KIF21A: variants seen among roughly 807,000 people sequenced by gnomAD.
KIF21A encodes the protein kinesin-like protein KIF21A.
KIF21A carries 114 observed loss-of-function variants against 202.9 expected under a neutral mutation model. That is an observed-to-expected ratio of 0.56 (90% CI 0.48 to 0.66). KIF21A has a LOEUF of 0.66. Ranked by LOEUF, KIF21A falls within the 30% of genes least tolerant of loss-of-function variation. The pLI is 0.00. For missense variants in KIF21A, 1,677 were observed against 1,994.9 expected (o/e 0.84, Z 3.04); for synonymous variants, 667 against 670.8 (o/e 0.99, Z 0.09).
intron 16 of KIF21A, among the ~76,000 whole-genome samples, chr12:39,338,087 T>C (rs904461192): frequency 1.3e-5 from 2 of 152,202 alleles, no homozygotes; most frequent in Non-Finnish European, 2.9e-5. Context: ...GAAGGCATTG[T>C]TATCATAGGA....
In KIF21A at chr12:39,303,074, G is replaced by A; in HGVS notation, c.4622C>T (p.Pro1541Leu). The A allele has an allele frequency of 6.2e-7, 1 of 1,613,896 alleles. No homozygotes were observed. Among genetic ancestry groups the A allele is most frequent in the Non-Finnish European group, 8.5e-7 (1 of 1,179,848 alleles). The change falls in exon 36 of 38, where the codon CCT (proline) becomes CTT (leucine). Residue 1541 changes from proline to leucine, a missense_variant. Physicochemically the swap from Pro to Leu is moderately conservative, Grantham distance 98 (BLOSUM62 -3). This residue lies in a region of KIF21A where 705 missense variants were observed against 791.9 expected (regional missense o/e 0.89). Coordinates refer to ENST00000361418, the MANE Select transcript of KIF21A (RefSeq NM_001173464.2). ...TAGTGCTTCTATGCCATCATAATGA[G>A]GGGGTTCAAAATTGTGGGTGGGACT... Reference protein sequence around the residue: ...TVSPTHNFEPPHYDGIEALTI... With the variant: ...TVSPTHNFEPLHYDGIEALTI...
intron 36 of KIF21A, 86 bp from the exon 37 acceptor site, chr12:39,301,765 TTG>T: frequency 1.8e-6 from 2 of 1,125,022 alleles, no homozygotes; most frequent in Non-Finnish European, 2.7e-6. Flanking sequence ...AAACATTTTA[TTG>T]CCAAAACTTG....
At chr12:39,363,659 C>A (rs1267576702) in intron 6 of KIF21A, among the ~76,000 whole-genome samples, 2 of 151,920 alleles carry the variant, frequency 1.3e-5, no homozygotes, top group Non-Finnish European at 1.5e-5. Flanking sequence ...TTAATCACAA[C>A]AAAAAAAATC....
rs572614825 is a variant in KIF21A, at chr12:39,378,780, T to C, written c.45-8519A>G. Among the ~76,000 whole-genome samples the C allele has an allele frequency of 3.9e-5, 6 of 152,176 alleles. No homozygotes were observed. The South Asian group carries it at 1.2e-3, about 32-fold the overall frequency. The stretch of plus-strand genomic sequence containing the variant: ...TGGTCAGAGGTAGGGGAACGATAAG[T>C]AAATTAAACATATGGTCAATGAAAT... On this transcript the variant is annotated intron_variant, in intron 1 of 37. Transcript: ENST00000361418.
At chr12:39,358,123 G>A (rs1948936866) in intron 8 of KIF21A, 55 bp downstream of exon 8, 1 of 1,454,558 alleles carries the variant, frequency 6.9e-7, no homozygotes, top group Non-Finnish European at 9.7e-7. Flanking sequence ...ATTGTGTTCA[G>A]AAAGTGCCAG....
At chr12:39,322,542 T>C (rs1331973017) in intron 27 of KIF21A, 126 bp downstream of exon 27, 1 of 724,692 alleles carries the variant, frequency 1.4e-6, no homozygotes, top group Non-Finnish European at 2.2e-6. Context: ...ACCTAGCAAA[T>C]TATTTCGAAA....
intron 17 of KIF21A, among the ~76,000 whole-genome samples, chr12:39,333,786 A>G (rs1163261129): frequency 6.6e-6 from 1 of 152,144 alleles, no homozygotes; most frequent in Non-Finnish European, 1.5e-5. Context: ...GTAAATGGAC[A>G]ATAAAATATG....
intron 37 of KIF21A, among the ~76,000 whole-genome samples, chr12:39,299,515 C>G (rs1171293908): frequency 6.6e-6 from 1 of 152,078 alleles, no homozygotes; most frequent in Non-Finnish European, 1.5e-5. Context: ...GAGTGTAAAT[C>G]AGTTCAACCA....
At chr12:39,382,785 T>C (rs1285915588) in intron 1 of KIF21A, among the ~76,000 whole-genome samples, 4 of 152,198 alleles carry the variant, frequency 2.6e-5, no homozygotes, top group African/African-American at 4.8e-5. Flanking sequence ...AAGCCATATT[T>C]TCCTAAATGC....
intron 1 of KIF21A, among the ~76,000 whole-genome samples, chr12:39,372,228 A>T (rs920180654): frequency 2.0e-5 from 3 of 152,236 alleles, no homozygotes; most frequent in Non-Finnish European, 2.9e-5. Context: ...TGGTTTTCTA[A>T]AACAGAATTT....
Position 39,341,102 on chromosome 12 carries a change from TA to T in KIF21A, c.1922-9del. The T allele has an allele frequency of 6.3e-7, 1 of 1,584,148 alleles. No homozygotes were observed. The highest frequency in any genetic ancestry group is 8.6e-7 in the Non-Finnish European group (1 of 1,160,924). On this transcript the variant is annotated splice_polypyrimidine_tract_variant and intron_variant, in intron 14 of 37. Transcript: ENST00000361418. ...AGTCTGCTTGATAATTGGCTATTTA[TA>T]AAAGAAGAAAATAAAAATCCTGGTG...
intron 1 of KIF21A, among the ~76,000 whole-genome samples, chr12:39,373,561 A>T (rs1287900890): frequency 6.6e-6 from 1 of 152,226 alleles, no homozygotes. Flanking sequence ...TAATAAAGAT[A>T]AAAATAATAA....
intron 10 of KIF21A, among the ~76,000 whole-genome samples, chr12:39,355,679 C>T (rs925287105): frequency 7.9e-6 from 1 of 126,074 alleles, no homozygotes; most frequent in African/African-American, 3.5e-5. Context: ...CCTCAAAGGT[C>T]TCTACCAAAA....
Position 39,421,351 on chromosome 12 carries a change from T to C in KIF21A, c.44+21576A>G, listed in dbSNP as rs186721921. Among the ~76,000 whole-genome samples, 128 of 152,304 alleles carry C rather than the reference T, an allele frequency of 8.4e-4. No individual in the cohort carries two copies. In the East Asian group the frequency reaches 0.019, roughly 22 times the overall value. On this transcript the variant is annotated intron_variant, in intron 1 of 37. Transcript: ENST00000361418. ...ATTTCTCTGTGTCGTTAAGAACATATCCTGTTTAAGCAAAACATGACTGTA... is the reference window on the plus strand; with the variant it reads ...ATTTCTCTGTGTCGTTAAGAACATACCCTGTTTAAGCAAAACATGACTGTA...
At chr12:39,313,674 G>T (rs758414544) in intron 31 of KIF21A, among the ~76,000 whole-genome samples, 1 of 151,396 alleles carries the variant, frequency 6.6e-6, no homozygotes, top group Non-Finnish European at 1.5e-5. Flanking sequence ...TTAAAGAACT[G>T]GACATTATAT....
intron 1 of KIF21A, among the ~76,000 whole-genome samples, chr12:39,424,829 C>T (rs1004807995): frequency 3.9e-5 from 6 of 152,040 alleles, no homozygotes; most frequent in African/African-American, 9.7e-5. Flanking sequence ...CACCTTGTAC[C>T]GAGCAACAAG....
At position 39,357,345 on chromosome 12, in the gene KIF21A, A is replaced by G. The variant is rs1474014660; in HGVS notation, c.1308T>C (p.Arg436=). The change falls in exon 9 of 38, where the codon CGT becomes CGC. Residue 436 remains arginine (R), a synonymous_variant. Transcript: ENST00000361418. ...TCTCTTGCATGGCTTTAATTCTTAC[A>G]CGCAGGTTATTATTTTCAGTCTGTA... is the stretch of plus-strand genomic sequence containing the variant. The part of the protein sequence containing the change: ...AMLQTENNNL[R]VRIKAMQETV... The G allele has an allele frequency of 6.2e-7, 1 of 1,614,058 alleles. No individual in the cohort carries two copies. The highest frequency in any genetic ancestry group is 2.2e-5 in the East Asian group (1 of 44,874).
chr12:39,436,422 T>TTATATATA lies in KIF21A; in HGVS notation c.44+6497_44+6504dup, dbSNP rs1199818833. Among the ~76,000 whole-genome samples the TTATATATA allele has an allele frequency of 3.5e-3, 348 of 99,076 alleles. 1 individual carries two copies. The highest frequency in any genetic ancestry group is 0.012 in the Admixed American group (102 of 8,684). 65.0% of individuals were successfully genotyped at this position (99,076 alleles called of 152,430 possible). On this transcript the variant is annotated intron_variant, in intron 1 of 37. Coordinates refer to ENST00000361418, the MANE Select transcript of KIF21A (RefSeq NM_001173464.2). ...TCAATAATTATAAGGGTTTACTATATTATATATATATATATATATATATAT... is the reference window on the plus strand; with the variant it reads ...TCAATAATTATAAGGGTTTACTATATTATATATATATATATATATATATATATATATAT...
chr12:39,295,238 A>G (rs1285974570), intron 37 of KIF21A, among the ~76,000 whole-genome samples: 1 of 152,254 alleles, frequency 6.6e-6, no homozygotes, highest in African/African-American at 2.4e-5. Flanking sequence ...AAAGGGAAGA[A>G]ATAGTATTTC....
Sources: allele counts gnomAD v4.1 joint callset (sites outside exome capture counted in the v4.1 genomes callset), GRCh38; gene constraint gnomAD v4.1.1; regional missense constraint gnomAD v4.1.1; transcripts MANE v1.5; gene names NCBI Gene and HGNC (gene_info 2026-07-23, HGNC 2026-07-21).